Variants in FKBP1B observed in about 807,000 individuals in gnomAD.
FKBP1B encodes the protein peptidyl-prolyl cis-trans isomerase FKBP1B.
A neutral mutation model predicts 13.5 loss-of-function variants in FKBP1B; 4 were observed. The observed-to-expected ratio is 0.30, with a 90% CI of 0.15 to 0.68. The LOEUF is 0.68. Among genes scored for constraint, FKBP1B ranks in the 30% least tolerant of loss-of-function variants. The pLI is 0.76. For synonymous variants in FKBP1B, 54 were observed against 53.6 expected, an observed-to-expected ratio of 1.01 and a Z score of -0.03; for missense variants, 93 against 136.2, an observed-to-expected ratio of 0.68 and a Z score of 1.58.
At chr2:24,043,855 C>A in the FKBP1B span, among the ~76,000 whole-genome samples, 3 of 151,678 alleles carry the variant, frequency 2.0e-5, no homozygotes, top group Non-Finnish European at 4.4e-5. Flanking sequence ...TATCTCCTTG[C>A]TAGCTTTGTC....
chr2:24,036,948 A>G, the FKBP1B span, among the ~76,000 whole-genome samples: 1 of 152,278 alleles, frequency 6.6e-6, no homozygotes, highest in Non-Finnish European at 1.5e-5. Context: ...TGATAAAAAC[A>G]TGTATAATAT....
At chr2:24,062,177 T>A (rs1259373321) in intron 3 of FKBP1B, among the ~76,000 whole-genome samples, 1 of 151,826 alleles carries the variant, frequency 6.6e-6, no homozygotes, top group Non-Finnish European at 1.5e-5. Context: ...GTTTTTTATT[T>A]ATTTATTTAT....
At chr2:24,038,407 A>G in the FKBP1B span, 4 of 1,614,086 alleles carry the variant, frequency 2.5e-6, no homozygotes, top group African/African-American at 4.0e-5. Context: ...GATCAAAATT[A>G]TATTACAAGT....
At chr2:24,042,264 G>T in the FKBP1B span, among the ~76,000 whole-genome samples, 1 of 151,984 alleles carries the variant, frequency 6.6e-6, no homozygotes, top group African/African-American at 2.4e-5. Context: ...TTGGCCGGGC[G>T]CAGTGGCTCA....
the FKBP1B span, among the ~76,000 whole-genome samples, chr2:24,041,682 A>G: frequency 3.3e-5 from 5 of 151,004 alleles, no homozygotes; most frequent in African/African-American, 1.2e-4. Context: ...GTGAAACCCC[A>G]TCTCTACTCA....
At position 24,063,300 on chromosome 2, in the gene FKBP1B, C is replaced by G; in HGVS notation, c.*108C>G. On this transcript the variant is annotated 3_prime_UTR_variant, in exon 4 of 4. Transcript: ENST00000380986. ...TTGGGGCTCTTGATCAGTGTGCTAA[C>G]CTCACTGCCTCATGGCATCATCCAT... 9.8e-7 allele frequency: 1 copy of G among 1,022,058 alleles called. No homozygotes were observed. The highest frequency in any genetic ancestry group is 1.4e-6 in the Non-Finnish European group (1 of 727,456). The allele number at this position is 1,022,058 out of a possible 1,614,324, so 63.3% of individuals were successfully genotyped here.
rs1664485998 is a variant in FKBP1B, at chr2:24,063,305, C to G, written c.*113C>G. ...GCTCTTGATCAGTGTGCTAACCTCA[C>G]TGCCTCATGGCATCATCCATTCTCT... is the stretch of plus-strand genomic sequence containing the variant. On this transcript the variant is annotated 3_prime_UTR_variant, in exon 4 of 4. Coordinates refer to ENST00000380986, the MANE Select transcript of FKBP1B (RefSeq NM_004116.5). 6 of 999,672 alleles carry G rather than the reference C, an allele frequency of 6.0e-6. No individual in the cohort carries two copies. The East Asian group carries it at 1.7e-4, about 28-fold the overall frequency. The allele number at this position is 999,672 out of a possible 1,614,324, so 61.9% of individuals were successfully genotyped here. A position where few individuals can be genotyped will look rare whatever the true frequency, so the allele number is the denominator to read the frequency against.
chr2:24,037,064 G>A, the FKBP1B span, among the ~76,000 whole-genome samples: 7 of 152,238 alleles, frequency 4.6e-5, no homozygotes, highest in Admixed American at 2.6e-4. Context: ...GTCTCGCCCT[G>A]TTGCCCAGGC....
chr2:24,053,211 A>T (rs1278961042), intron 1 of FKBP1B, among the ~76,000 whole-genome samples: 1 of 152,012 alleles, frequency 6.6e-6, no homozygotes, highest in Non-Finnish European at 1.5e-5. Context: ...TCCTGGGCTC[A>T]AACAATCCTT....
At chr2:24,057,321 AAGTAGCTGGG>A (rs1664173757) in intron 2 of FKBP1B, among the ~76,000 whole-genome samples, 1 of 151,724 alleles carries the variant, frequency 6.6e-6, no homozygotes, top group Non-Finnish European at 1.5e-5. Flanking sequence ...TCAGCCTCCC[AAGTAGCTGGG>A]AGTACAGGAA....
At chr2:24,048,295 C>A (rs570562898), upstream of FKBP1B, among the ~76,000 whole-genome samples, 3 of 151,646 alleles carry the variant, frequency 2.0e-5, no homozygotes, top group African/African-American at 7.3e-5. Context: ...CATGGTGAAA[C>A]CCTGTCTCTA....
chr2:24,049,641 C>T (rs942653396), upstream of FKBP1B: 5 of 378,252 alleles, frequency 1.3e-5, no homozygotes, highest in Non-Finnish European at 2.3e-5. Flanking sequence ...GGCCCCGCCC[C>T]GGCCGACCCC....
the FKBP1B span, chr2:24,037,740 C>T: frequency 1.2e-6 from 2 of 1,614,158 alleles, no homozygotes; most frequent in African/African-American, 1.3e-5. Flanking sequence ...AGGATTTCTT[C>T]CCATTATGCA....
chr2:24,057,225 C>G (rs1029604777), intron 2 of FKBP1B, among the ~76,000 whole-genome samples: 3 of 151,706 alleles, frequency 2.0e-5, no homozygotes, highest in Non-Finnish European at 2.9e-5. Flanking sequence ...CACTCTGTTA[C>G]CCAGGCTGGA....
At chr2:24,043,263 G>A in the FKBP1B span, among the ~76,000 whole-genome samples, 1 of 152,180 alleles carries the variant, frequency 6.6e-6, no homozygotes, top group African/African-American at 2.4e-5. Flanking sequence ...TTGAACCTGG[G>A]AGGCAGATGT....
the FKBP1B span, chr2:24,039,320 A>C: frequency 6.2e-7 from 1 of 1,614,234 alleles, no homozygotes; most frequent in Non-Finnish European, 8.5e-7. Flanking sequence ...CCACAGACAC[A>C]TTCAAACTGT....
At chr2:24,062,205 C>T (rs971344307) in intron 3 of FKBP1B, among the ~76,000 whole-genome samples, 14 of 152,008 alleles carry the variant, frequency 9.2e-5, no homozygotes, top group Non-Finnish European at 1.9e-4. Flanking sequence ...CGTAGTCTCA[C>T]TCTGTTGCCC....
intron 2 of FKBP1B, among the ~76,000 whole-genome samples, chr2:24,058,851 G>C (rs1196557925): frequency 6.6e-6 from 1 of 152,214 alleles, no homozygotes; most frequent in Non-Finnish European, 1.5e-5. Context: ...GCATCCATCT[G>C]CATGTACCTC....
chr2:24,035,192 T>C, the FKBP1B span, among the ~76,000 whole-genome samples: 3 of 151,558 alleles, frequency 2.0e-5, no homozygotes, highest in African/African-American at 2.4e-5. Context: ...CTTTTGTAAT[T>C]AGGAAAAAAA....
Sources: allele counts gnomAD v4.1 joint callset (sites outside exome capture counted in the v4.1 genomes callset), GRCh38; gene constraint gnomAD v4.1.1; transcripts MANE v1.5; gene names NCBI Gene and HGNC (gene_info 2026-07-23, HGNC 2026-07-21).